Variants in SLC25A37 observed in about 807,000 individuals in gnomAD.
SLC25A37 encodes the protein solute carrier family 25 member 37, also known as mitoferrin-1.
SLC25A37 carries 17 observed loss-of-function variants against 31.0 expected under a neutral mutation model. The ratio of observed to expected loss-of-function variants is 0.55; its 90% CI spans 0.38 to 0.82. SLC25A37 has a LOEUF of 0.82. Among genes scored for constraint, SLC25A37 ranks in the 40% least tolerant of loss-of-function variants. The pLI is 0.00. For missense variants in SLC25A37, 404 were observed against 465.8 expected (o/e 0.87, Z 1.22); for synonymous variants, 222 against 193.0 (o/e 1.15, Z -1.24).
At chr8:23,542,678 CTTTT>C (rs35952455) in intron 1 of SLC25A37, among the ~76,000 whole-genome samples, 2 of 93,110 alleles carry the variant, frequency 2.1e-5, no homozygotes, top group Non-Finnish European at 2.0e-5. Flanking sequence ...CGCCCCTGGC[CTTTT>C]TTTTTTTTTT....
intron 1 of SLC25A37, among the ~76,000 whole-genome samples, chr8:23,540,485 C>T (rs1024011571): frequency 2.6e-5 from 4 of 152,126 alleles, no homozygotes; most frequent in Admixed American, 2.0e-4. Flanking sequence ...AGGGCTCTAA[C>T]GTATAGTTAG....
intron 1 of SLC25A37, among the ~76,000 whole-genome samples, chr8:23,531,097 A>G (rs1801652729): frequency 6.6e-6 from 1 of 152,212 alleles, no homozygotes; most frequent in African/African-American, 2.4e-5. Flanking sequence ...GGCGTGGGTT[A>G]GCTAATCAGT....
chr8:23,549,881 G>A lies in SLC25A37; in HGVS notation c.211-16227G>A, dbSNP rs1357518649. Among the ~76,000 whole-genome samples the A allele has an allele frequency of 3.6e-5, 5 of 138,516 alleles. 1 individual carries two copies. Among genetic ancestry groups the A allele is most frequent in the East Asian group, 4.9e-4 (2 of 4,052 alleles). The allele number at this position is 138,516 out of a possible 152,430, so 90.9% of individuals were successfully genotyped here. A position where few individuals can be genotyped will look rare whatever the true frequency, so the allele number is the denominator to read the frequency against. ...CCCAGACTGTGGCCAGGTGCATTGC[G>A]CTAGGGGAGACAGATCCACAGCAGG... On this transcript the variant is annotated intron_variant, in intron 1 of 3. Coordinates refer to ENST00000519973, the MANE Select transcript of SLC25A37 (RefSeq NM_016612.4).
At chr8:23,546,530 T>TATATAG (rs1270820040) in intron 1 of SLC25A37, among the ~76,000 whole-genome samples, 38 of 9,638 alleles carry the variant, frequency 3.9e-3, no homozygotes, top group Middle Eastern at 0.056. Flanking sequence ...TATATATAGG[T>TATATAG]GTATATATAT....
At chr8:23,571,009 C>G (rs1802810828) in intron 3 of SLC25A37, among the ~76,000 whole-genome samples, 1 of 152,276 alleles carries the variant, frequency 6.6e-6, no homozygotes, top group East Asian at 1.9e-4. Context: ...TAGCCAGGAT[C>G]TGGGAAACAG....
At chr8:23,568,948 GAAAAAA>G (rs36012601) in intron 3 of SLC25A37, 3 of 120,452 alleles carry the variant, frequency 2.5e-5, no homozygotes, top group South Asian at 2.8e-4. Flanking sequence ...ATCTCAAAAG[GAAAAAA>G]AAAAAAAAAA....
chr8:23,538,406 AC>A (rs35347097), intron 1 of SLC25A37, among the ~76,000 whole-genome samples: 21,898 of 100,732 alleles, frequency 0.22, 7,388 homozygotes, highest in East Asian at 0.39. Context: ...AAAAAAAAAA[AC>A]CAGAAAAAAA....
intron 1 of SLC25A37, among the ~76,000 whole-genome samples, chr8:23,550,460 T>C (rs1219679484): frequency 2.0e-5 from 3 of 152,204 alleles, no homozygotes; most frequent in Non-Finnish European, 4.4e-5. Flanking sequence ...AAAAATCCCT[T>C]CTTCTGTGGA....
At chr8:23,562,188 G>A (rs1290998306) in intron 1 of SLC25A37, among the ~76,000 whole-genome samples, 1 of 152,222 alleles carries the variant, frequency 6.6e-6, no homozygotes, top group African/African-American at 2.4e-5. Flanking sequence ...AAGTGTGGGG[G>A]CCTCTCCCCT....
At chr8:23,539,059 C>T (rs1801835526) in intron 1 of SLC25A37, among the ~76,000 whole-genome samples, 1 of 152,206 alleles carries the variant, frequency 6.6e-6, no homozygotes, top group South Asian at 2.1e-4. Flanking sequence ...AAACATCCCC[C>T]ACCCTCCTCG....
rs1478225207 is a variant in SLC25A37 at position 23,572,623 on chromosome 8, T to TC, written c.*768_*769insC. ...ATGATATGTCACTTGCAGCTACCTTTTTTTTTCTTTTAAATTCAATCAGCC... is the reference window on the plus strand; with the variant it reads ...ATGATATGTCACTTGCAGCTACCTTTCTTTTTTCTTTTAAATTCAATCAGCC... On this transcript the variant is annotated 3_prime_UTR_variant, in exon 4 of 4. Transcript: ENST00000519973. 1 of 151,958 alleles carries TC rather than the reference T, an allele frequency of 6.6e-6. No homozygotes were observed. Among genetic ancestry groups the TC allele is most frequent in the Non-Finnish European group, 1.5e-5 (1 of 67,920 alleles). 9.4% of individuals were successfully genotyped at this position (151,958 alleles called of 1,614,324 possible).
chr8:23,562,592 A>G (rs1273359186), intron 1 of SLC25A37, among the ~76,000 whole-genome samples: 2 of 152,134 alleles, frequency 1.3e-5, no homozygotes, highest in East Asian at 1.9e-4. Context: ...GGCCTGCACA[A>G]CCCTGGAAGG....
intron 1 of SLC25A37, among the ~76,000 whole-genome samples, chr8:23,543,651 C>T (rs1340854761): frequency 6.6e-6 from 1 of 152,190 alleles, no homozygotes; most frequent in Non-Finnish European, 1.5e-5. Flanking sequence ...TCTCCTTCCC[C>T]AGCTTCCCGA....
At chr8:23,558,509 G>A (rs1336422089) in intron 1 of SLC25A37, among the ~76,000 whole-genome samples, 3 of 152,166 alleles carry the variant, frequency 2.0e-5, no homozygotes, top group Admixed American at 6.5e-5. Context: ...GGGACAGAAC[G>A]TGCATTTTCC....
At chr8:23,538,106 C>T (rs959929174) in intron 1 of SLC25A37, among the ~76,000 whole-genome samples, 16 of 151,284 alleles carry the variant, frequency 1.1e-4, no homozygotes, top group Admixed American at 3.9e-4. Flanking sequence ...ATTGGCTGGG[C>T]GTGGTGGCTC....
At chr8:23,539,491 G>A (rs1319893557) in intron 1 of SLC25A37, among the ~76,000 whole-genome samples, 1 of 151,898 alleles carries the variant, frequency 6.6e-6, no homozygotes, top group Non-Finnish European at 1.5e-5. Context: ...GTGGGTGGGG[G>A]ACCCGGAGGA....
chr8:23,548,327 TGCCACCACGC>T (rs1344561475), intron 1 of SLC25A37, among the ~76,000 whole-genome samples: 2 of 151,964 alleles, frequency 1.3e-5, no homozygotes, highest in Non-Finnish European at 2.9e-5. Flanking sequence ...TACAGGCATG[TGCCACCACGC>T]CCAGCTAATT....
At chr8:23,559,983 C>A (rs1043287473) in intron 1 of SLC25A37, among the ~76,000 whole-genome samples, 5 of 152,208 alleles carry the variant, frequency 3.3e-5, no homozygotes, top group African/African-American at 1.2e-4. Context: ...AAATGCCCAG[C>A]CTTCATTTTT....
intron 1 of SLC25A37, among the ~76,000 whole-genome samples, chr8:23,556,232 T>TC (rs1177704837): frequency 6.9e-6 from 1 of 145,332 alleles, no homozygotes; most frequent in Non-Finnish European, 1.5e-5. Flanking sequence ...GAGCACCAAT[T>TC]TTTTTTTTTT....
Sources: allele counts gnomAD v4.1 joint callset (sites outside exome capture counted in the v4.1 genomes callset), GRCh38; gene constraint gnomAD v4.1.1; transcripts MANE v1.5; gene names NCBI Gene and HGNC (gene_info 2026-07-23, HGNC 2026-07-21).